The following TRIO variants were observed in gnomAD, a reference collection of about 807,000 sequenced individuals.
TRIO encodes the protein trio Rho guanine nucleotide exchange factor.
Under a neutral mutation model 351.9 loss-of-function variants are expected in TRIO, and 58 were observed. That is an observed-to-expected ratio of 0.16 (90% CI 0.13 to 0.21). TRIO has a LOEUF of 0.21. TRIO is among the 10% of genes least tolerant of loss of function. TRIO has a pLI of 1.00. For synonymous variants in TRIO, 1,758 were observed against 1,595.7 expected, an observed-to-expected ratio of 1.10 and a Z score of -2.42; for missense variants, 3,201 against 4,027.8, an observed-to-expected ratio of 0.79 and a Z score of 5.56.
At chr5:14,476,143 C>G (rs368311712) in intron 40 of TRIO, among the ~76,000 whole-genome samples, 13 of 152,240 alleles carry the variant, frequency 8.5e-5, no homozygotes, top group Middle Eastern at 3.4e-3. Context: ...TATCTGCTGT[C>G]CAATTTGAGT....
At position 14,225,235 on chromosome 5, in the gene TRIO, G is replaced by C. The variant is rs1265628979; in HGVS notation, c.158-45590G>C. ...TGAGAGGTGCAGACAGGAGGGAGGA[G>C]ATTTGGTATACTTCTGAGAAAAAAA... On this transcript the variant is annotated intron_variant, in intron 1 of 56. Transcript: ENST00000344204. Among the ~76,000 whole-genome samples the C allele has an allele frequency of 5.3e-5, 8 of 152,158 alleles. 1 individual carries two copies. The highest frequency in any genetic ancestry group is 5.2e-4 in the Admixed American group (8 of 15,272).
intron 3 of TRIO, among the ~76,000 whole-genome samples, chr5:14,283,268 C>T (rs1736160598): frequency 6.6e-6 from 1 of 152,144 alleles, no homozygotes; most frequent in South Asian, 2.1e-4. Context: ...GCCTGTGAGA[C>T]CTTTTGCTGT....
chr5:14,309,716 TAC>T (rs1197844047), intron 8 of TRIO, among the ~76,000 whole-genome samples: 3 of 152,190 alleles, frequency 2.0e-5, no homozygotes, highest in African/African-American at 7.2e-5. Context: ...ATCTCACAGA[TAC>T]GGAGCCCCTG....
intron 28 of TRIO, among the ~76,000 whole-genome samples, chr5:14,396,385 G>A (rs1416764240): frequency 6.9e-6 from 1 of 144,776 alleles, no homozygotes; most frequent in Non-Finnish European, 1.5e-5. Context: ...TGACATGGCA[G>A]TCAGCTGTAA....
chr5:14,403,086 G>A (rs1748242967), intron 31 of TRIO, among the ~76,000 whole-genome samples: 1 of 149,916 alleles, frequency 6.7e-6, no homozygotes, highest in Non-Finnish European at 1.5e-5. Context: ...TGAGGGTACA[G>A]GTTGTGGTGG....
chr5:14,197,809 A>C (rs946484268), intron 1 of TRIO, among the ~76,000 whole-genome samples: 3 of 152,234 alleles, frequency 2.0e-5, no homozygotes, highest in Non-Finnish European at 2.9e-5. Context: ...GTGCACACAC[A>C]GTGGGTTGCA....
chr5:14,444,232 G>A (rs1368093241), intron 34 of TRIO, among the ~76,000 whole-genome samples: 1 of 152,184 alleles, frequency 6.6e-6, no homozygotes, highest in Admixed American at 6.5e-5. Flanking sequence ...AACCTATTCT[G>A]AAAGTATCCA....
At chr5:14,462,610 A>G in intron 35 of TRIO, 145 bp from the exon 36 acceptor site, 1 of 1,169,822 alleles carries the variant, frequency 8.5e-7, no homozygotes. Context: ...GAAGAGAGGA[A>G]AAGTTACCAT....
chr5:14,244,985 T>G (rs1354103301), intron 1 of TRIO, among the ~76,000 whole-genome samples: 1 of 152,188 alleles, frequency 6.6e-6, no homozygotes, highest in African/African-American at 2.4e-5. Flanking sequence ...AGCTCCGAGT[T>G]AAGTACTTGA....
At chr5:14,202,280 T>G (rs1791169907) in intron 1 of TRIO, among the ~76,000 whole-genome samples, 1 of 148,918 alleles carries the variant, frequency 6.7e-6, no homozygotes, top group South Asian at 2.1e-4. Context: ...TAAAACATTT[T>G]GAATATTTTT....
chr5:14,458,279 C>T (rs906511984), intron 34 of TRIO, among the ~76,000 whole-genome samples: 1 of 152,136 alleles, frequency 6.6e-6, no homozygotes, highest in Non-Finnish European at 1.5e-5. Flanking sequence ...CCATGTAATA[C>T]TTGTGTGCCT....
chr5:14,365,532 C>A (rs72748211), intron 15 of TRIO, among the ~76,000 whole-genome samples: 1 of 152,314 alleles, frequency 6.6e-6, no homozygotes, highest in South Asian at 2.1e-4. Flanking sequence ...ACCTTTCAGT[C>A]TCCCACATGC....
chr5:14,306,617 A>G (rs963320591), intron 8 of TRIO, among the ~76,000 whole-genome samples: 2 of 152,254 alleles, frequency 1.3e-5, no homozygotes, highest in South Asian at 2.1e-4. Context: ...AGCTGTCTGC[A>G]TGCCCTTGCC....
At chr5:14,208,028 G>T (rs1327112011) in intron 1 of TRIO, among the ~76,000 whole-genome samples, 1 of 152,206 alleles carries the variant, frequency 6.6e-6, no homozygotes, top group African/African-American at 2.4e-5. Context: ...GTTGATGAGG[G>T]TGTGGAGAAA....
rs181050664 is a variant in TRIO, at chr5:14,410,595, C to T, written c.4959+3923C>T. ...ATCACTTAACGACATTCTGCCTGTT[C>T]GACTTAATTTATGATGTCTGTTATT... On this transcript the variant is annotated intron_variant, in intron 33 of 56. Transcript: ENST00000344204. Among the ~76,000 whole-genome samples, 4 of 152,290 alleles carry T rather than the reference C, an allele frequency of 2.6e-5. No individual in the cohort carries two copies. The East Asian group carries it at 5.8e-4, about 22-fold the overall frequency.
intron 8 of TRIO, among the ~76,000 whole-genome samples, chr5:14,308,406 A>G (rs1738574329): frequency 7.8e-6 from 1 of 128,386 alleles, no homozygotes; most frequent in Non-Finnish European, 1.6e-5. Flanking sequence ...TCACCCATCC[A>G]TCCATCCATC....
Position 14,183,526 on chromosome 5 carries a change from C to G in TRIO, c.157+39644C>G, listed in dbSNP as rs1246038898. On this transcript the variant is annotated intron_variant, in intron 1 of 56. Coordinates refer to ENST00000344204, the MANE Select transcript of TRIO (RefSeq NM_007118.4). Reference sequence around the variant, plus strand: ...ACAAATAAAGTATTACTTTCTTTGACTAAAATTGAAAACAATAAACTCCTC... The same window carrying G: ...ACAAATAAAGTATTACTTTCTTTGAGTAAAATTGAAAACAATAAACTCCTC... Among the ~76,000 whole-genome samples, 3 of 152,084 alleles carry G rather than the reference C, an allele frequency of 2.0e-5. No individual in the cohort carries two copies. In the East Asian group the frequency reaches 5.8e-4, roughly 29 times the overall value.
At chr5:14,421,323 G>T (rs1283399877) in intron 34 of TRIO, among the ~76,000 whole-genome samples, 1 of 141,724 alleles carries the variant, frequency 7.1e-6, no homozygotes, top group Non-Finnish European at 1.5e-5. Flanking sequence ...ATTGTTCCTG[G>T]CCAGGCACGG....
intron 30 of TRIO, among the ~76,000 whole-genome samples, chr5:14,400,124 T>C (rs1747946329): frequency 6.6e-6 from 1 of 152,234 alleles, no homozygotes; most frequent in South Asian, 2.1e-4. Context: ...CTGTTTGAGA[T>C]CGTCTTTTGG....
Sources: gnomAD v4.1 joint callset for allele counts (sites outside exome capture counted in the v4.1 genomes callset) on GRCh38, gnomAD v4.1.1 for gene constraint, MANE v1.5 for transcripts, NCBI Gene and HGNC (gene_info 2026-07-23, HGNC 2026-07-21) for gene names.